DOCK8: variants seen among roughly 807,000 people sequenced by gnomAD.
The protein encoded by DOCK8 is dedicator of cytokinesis protein 8.
In DOCK8, 141 loss-of-function variants were observed where a neutral mutation model predicts 245.6. The observed-to-expected ratio is 0.57, with a 90% CI of 0.50 to 0.66. DOCK8 has a LOEUF of 0.66. Ranked by LOEUF, DOCK8 falls within the 30% of genes least tolerant of loss-of-function variation. DOCK8 has a pLI of 0.00. For synonymous variants in DOCK8, 1,168 were observed against 970.2 expected (o/e 1.20, Z -3.79); for missense variants, 2,965 against 2,603.4 (o/e 1.14, Z -3.02).
intron 5 of DOCK8, among the ~76,000 whole-genome samples, chr9:310,008 C>T (rs1433600124): frequency 1.3e-5 from 2 of 152,210 alleles, no homozygotes; most frequent in African/African-American, 4.8e-5. Context: ...TGGCTCATGC[C>T]TGTAATCCCA....
At chr9:237,519 G>T (rs2047282156) in intron 1 of DOCK8, among the ~76,000 whole-genome samples, 2 of 152,182 alleles carry the variant, frequency 1.3e-5, no homozygotes, top group Admixed American at 1.3e-4. Context: ...GCCAGGCATG[G>T]TGGCATGCGC....
chr9:232,065 G>A (rs1405134332), intron 1 of DOCK8, among the ~76,000 whole-genome samples: 1 of 152,128 alleles, frequency 6.6e-6, no homozygotes, highest in Non-Finnish European at 1.5e-5. Flanking sequence ...TTTGAGATAT[G>A]TCCCATCAAT....
chr9:403,918 A>ATG (rs1564021265), intron 26 of DOCK8, among the ~76,000 whole-genome samples: 7 of 75,234 alleles, frequency 9.3e-5, no homozygotes, highest in African/African-American at 5.0e-4. Context: ...ATATATATAC[A>ATG]TATATATATA....
chr9:218,368 T>C (rs1194459136), intron 1 of DOCK8, among the ~76,000 whole-genome samples: 1 of 152,162 alleles, frequency 6.6e-6, no homozygotes, highest in Non-Finnish European at 1.5e-5. Context: ...CCAGAAGGAG[T>C]GAGCAGACTA....
At chr9:247,111 T>A (rs1234953851) in intron 1 of DOCK8, among the ~76,000 whole-genome samples, 1 of 152,238 alleles carries the variant, frequency 6.6e-6, no homozygotes, top group Non-Finnish European at 1.5e-5. Flanking sequence ...GACCTGAGTG[T>A]TTTCCTTCTC....
rs189953367 is a variant in DOCK8, at chr9:370,255, C to G, written c.1823C>G (p.Pro608Arg). 17 of 1,614,108 alleles carry G rather than the reference C, an allele frequency of 1.1e-5. No individual in the cohort carries two copies. In the Middle Eastern group the frequency reaches 4.9e-4, roughly 47 times the overall value. Residue 608 changes from proline to arginine, a missense_variant, in exon 16 of 48, where the codon CCT (proline) becomes CGT (arginine). Pro to Arg is a moderately radical substitution (Grantham distance 103). Transcript: ENST00000432829. ...MPVIFGKSSG[P>R]EFLQEVYTAV... ...GTCATCTTTGGAAAATCCAGCGGGCCTGAATTTCTGCAGGAAGTGTACACA... is the reference window on the plus strand; with the variant it reads ...GTCATCTTTGGAAAATCCAGCGGGCGTGAATTTCTGCAGGAAGTGTACACA...
intron 1 of DOCK8, among the ~76,000 whole-genome samples, chr9:245,392 C>G (rs1299836850): frequency 6.6e-6 from 1 of 151,796 alleles, no homozygotes; most frequent in Non-Finnish European, 1.5e-5. Context: ...TTTTTTTGTA[C>G]AGATGGTGTT....
At chr9:271,779 C>A in intron 2 of DOCK8, 50 bp downstream of exon 2, 1 of 1,335,928 alleles carries the variant, frequency 7.5e-7, no homozygotes, top group Non-Finnish European at 1.0e-6. Context: ...TGCAAAAGTG[C>A]CCAGGGTATG....
At chr9:342,654 G>C (rs2051666240) in intron 14 of DOCK8, among the ~76,000 whole-genome samples, 2 of 152,008 alleles carry the variant, frequency 1.3e-5, no homozygotes, top group South Asian at 4.1e-4. Flanking sequence ...ATTTTTGGTA[G>C]AGACAGGGTT....
intron 1 of DOCK8, among the ~76,000 whole-genome samples, chr9:251,132 C>T (rs890551598): frequency 2.0e-4 from 31 of 152,172 alleles, no homozygotes; most frequent in Non-Finnish European, 3.2e-4. Context: ...ATTTCTGTTT[C>T]AGATGTCTCC....
intron 14 of DOCK8, among the ~76,000 whole-genome samples, chr9:345,968 A>G (rs1229869948): frequency 6.6e-6 from 1 of 152,006 alleles, no homozygotes; most frequent in Non-Finnish European, 1.5e-5. Context: ...CAACTTCTAG[A>G]GCCAGAAGTG....
rs111593824 is a variant in DOCK8, at chr9:434,620, A to C, written c.4887-163A>C. Among the ~76,000 whole-genome samples, 1,844 of 152,248 alleles carry C rather than the reference A, an allele frequency of 0.012. 42 individuals are homozygous for C. The highest frequency in any genetic ancestry group is 0.042 in the African/African-American group (1,760 of 41,538). On this transcript the variant is annotated intron_variant, in intron 38 of 47. Coordinates refer to ENST00000432829, the MANE Select transcript of DOCK8 (RefSeq NM_203447.4). ...TGGAATAAAAATAGTTGGACTAATA[A>C]ATGTTTTCTTCTGTCTCGTTTTCTG...
At chr9:400,616 T>A (rs867902012) in intron 26 of DOCK8, among the ~76,000 whole-genome samples, 98 of 8,752 alleles carry the variant, frequency 0.011, no homozygotes, top group Admixed American at 0.02. Context: ...CACCACCACC[T>A]CCACCACCAT....
chr9:347,365 G>A (rs1327522131), intron 14 of DOCK8, among the ~76,000 whole-genome samples: 3 of 152,184 alleles, frequency 2.0e-5, no homozygotes, highest in Non-Finnish European at 4.4e-5. Flanking sequence ...AATTAGCCAG[G>A]GGTGGGGGTC....
chr9:420,173 T>C, intron 30 of DOCK8: 1 of 587,922 alleles, frequency 1.7e-6, no homozygotes, highest in South Asian at 1.9e-5. Context: ...GCTCAAATAC[T>C]GCCCCAGGTG....
chr9:432,421 A>G, intron 37 of DOCK8, 97 bp downstream of exon 37: 4 of 1,182,170 alleles, frequency 3.4e-6, no homozygotes, highest in Non-Finnish European at 2.4e-6. Context: ...TTATATATAA[A>G]TATATAACAT....
At chr9:399,627 T>A (rs1255599993) in intron 26 of DOCK8, among the ~76,000 whole-genome samples, 1 of 152,056 alleles carries the variant, frequency 6.6e-6, no homozygotes, top group Non-Finnish European at 1.5e-5. Context: ...TTTTCACATA[T>A]TAGGGTAATT....
Position 441,981 on chromosome 9 carries a change from A to C in DOCK8, c.5462A>C (p.Lys1821Thr), listed in dbSNP as rs1490997078. The C allele has an allele frequency of 6.2e-7, 1 of 1,614,102 alleles. No homozygotes were observed. The highest frequency in any genetic ancestry group is 8.5e-7 in the Non-Finnish European group (1 of 1,180,024). Residue 1821 changes from lysine to threonine, a missense_variant, in exon 42 of 48, where the codon AAG (lysine) becomes ACG (threonine). Coordinates refer to ENST00000432829, the MANE Select transcript of DOCK8 (RefSeq NM_203447.4). Reference protein sequence around the residue: ...EFVYKEPAITKLPEISHRLEA... With the variant: ...EFVYKEPAITTLPEISHRLEA... The stretch of plus-strand genomic sequence containing the variant: ...GTCTACAAAGAGCCTGCAATTACCA[A>C]GCTTCCTGAGATCTCACATAGACTA...
chr9:366,701 C>T (rs888276595), intron 14 of DOCK8: 4 of 152,134 alleles, frequency 2.6e-5, no homozygotes, highest in African/African-American at 7.2e-5. Context: ...ATTCTCAGTG[C>T]ACAGTAACCT....
Sources: gnomAD v4.1 joint callset for allele counts (sites outside exome capture counted in the v4.1 genomes callset) on GRCh38, gnomAD v4.1.1 for gene constraint, MANE v1.5 for transcripts, NCBI Gene and HGNC (gene_info 2026-07-23, HGNC 2026-07-21) for gene names.